The following PRKG1 variants were observed in gnomAD, a reference collection of about 807,000 sequenced individuals.
PRKG1 encodes the protein cGMP-dependent protein kinase 1.
Under a neutral mutation model 88.1 loss-of-function variants are expected in PRKG1, and 35 were observed. That is an observed-to-expected ratio of 0.40 (90% CI 0.30 to 0.53). The LOEUF is 0.53. Ranked by LOEUF, PRKG1 falls within the 20% of genes least tolerant of loss-of-function variation. The pLI is 0.59. For missense variants in PRKG1, 540 were observed against 839.8 expected, an observed-to-expected ratio of 0.64 and a Z score of 4.41; for synonymous variants, 303 against 292.5, an observed-to-expected ratio of 1.04 and a Z score of -0.37.
chr10:52,131,462 G>C (rs1325541920), intron 7 of PRKG1, among the ~76,000 whole-genome samples: 1 of 152,018 alleles, frequency 6.6e-6, no homozygotes, highest in East Asian at 1.9e-4. Flanking sequence ...AGATAAGAAG[G>C]GGTGAACTAA....
intron 3 of PRKG1, among the ~76,000 whole-genome samples, chr10:51,552,089 G>T (rs1837152111): frequency 6.6e-6 from 1 of 151,578 alleles, no homozygotes; most frequent in East Asian, 1.9e-4. Flanking sequence ...ATACCCTACA[G>T]ACTCAGTGAT....
intron 2 of PRKG1, among the ~76,000 whole-genome samples, chr10:51,447,500 A>G (rs1839308521): frequency 6.6e-6 from 1 of 152,038 alleles, no homozygotes; most frequent in African/African-American, 2.4e-5. Flanking sequence ...AATCAGAAAT[A>G]TTACACTAAA....
chr10:51,498,062 G>A (rs977528987), intron 3 of PRKG1, among the ~76,000 whole-genome samples: 3 of 152,148 alleles, frequency 2.0e-5, no homozygotes, highest in South Asian at 2.1e-4. Context: ...GCAGTGGGAC[G>A]CTAGGAGTTT....
At chr10:51,525,480 C>T (rs1048592662) in intron 3 of PRKG1, among the ~76,000 whole-genome samples, 3 of 152,112 alleles carry the variant, frequency 2.0e-5, no homozygotes, top group African/African-American at 7.2e-5. Context: ...AGGCAGATCA[C>T]GAGGTCAGGA....
intron 5 of PRKG1, among the ~76,000 whole-genome samples, chr10:52,026,186 C>T (rs1290181369): frequency 2.6e-5 from 4 of 151,642 alleles, no homozygotes; most frequent in African/African-American, 7.3e-5. Context: ...GAAAAAATAC[C>T]GTGGGGATTT....
At chr10:52,141,963 A>T (rs978369877) in intron 8 of PRKG1, among the ~76,000 whole-genome samples, 1 of 152,190 alleles carries the variant, frequency 6.6e-6, no homozygotes, top group Non-Finnish European at 1.5e-5. Flanking sequence ...CCTTTTATAA[A>T]TAAACTTATT....
intron 9 of PRKG1, among the ~76,000 whole-genome samples, chr10:52,226,026 ATTTT>A (rs71680568): frequency 6.6e-4 from 89 of 134,372 alleles, no homozygotes; most frequent in African/African-American, 2.2e-3. Context: ...ATGAGGGTTG[ATTTT>A]TTTTTTTTTT....
At chr10:52,166,800 T>TATATATATAC (rs1564498406) in intron 9 of PRKG1, among the ~76,000 whole-genome samples, 1 of 1,352 alleles carries the variant, frequency 7.4e-4, no homozygotes, top group African/African-American at 8.0e-4. Context: ...TATATATACA[T>TATATATATAC]ATATATATGT....
chr10:51,697,906 T>C (rs751080325), intron 3 of PRKG1: 1 of 1,602,572 alleles, frequency 6.2e-7, no homozygotes, highest in Non-Finnish European at 8.5e-7. Flanking sequence ...TTGCCCCCTG[T>C]ATACCTCCTC....
intron 5 of PRKG1, among the ~76,000 whole-genome samples, chr10:51,990,779 C>T (rs1333062581): frequency 6.6e-6 from 1 of 152,030 alleles, no homozygotes; most frequent in African/African-American, 2.4e-5. Context: ...TCCATGCGTT[C>T]TCATCATTCA....
intron 2 of PRKG1, among the ~76,000 whole-genome samples, chr10:51,350,390 G>C (rs1842213718): frequency 6.6e-6 from 1 of 152,162 alleles, no homozygotes; most frequent in African/African-American, 2.4e-5. Context: ...ACCTTGGATA[G>C]GATGCTAACT....
intron 3 of PRKG1, among the ~76,000 whole-genome samples, chr10:51,607,603 TACTC>T (rs1177849539): frequency 5.3e-5 from 8 of 152,186 alleles, no homozygotes; most frequent in Non-Finnish European, 1.2e-4. Context: ...TGGTAAATAA[TACTC>T]ACATTACAGT....
chr10:52,166,849 GTCTA>G (rs1564498620), intron 9 of PRKG1, among the ~76,000 whole-genome samples: 12 of 49,118 alleles, frequency 2.4e-4, no homozygotes, highest in Admixed American at 4.9e-4. Context: ...GTATATATAT[GTCTA>G]TATATATATC....
intron 5 of PRKG1, among the ~76,000 whole-genome samples, chr10:51,970,421 A>G (rs974460279): frequency 1.3e-5 from 2 of 151,404 alleles, no homozygotes; most frequent in African/African-American, 4.8e-5. Flanking sequence ...ACATTATATA[A>G]AGAATAGAGC....
chr10:51,166,079 C>T (rs971921577), intron 2 of PRKG1, among the ~76,000 whole-genome samples: 2 of 151,184 alleles, frequency 1.3e-5, no homozygotes, highest in African/African-American at 4.9e-5. Flanking sequence ...TATTATTTTA[C>T]ATTACTTTTC....
chr10:51,609,182 AT>A (rs896792192), intron 3 of PRKG1, among the ~76,000 whole-genome samples: 15 of 152,022 alleles, frequency 9.9e-5, no homozygotes, highest in African/African-American at 3.1e-4. Flanking sequence ...TTTAAGAAAT[AT>A]TTTTTAAAAA....
chr10:51,670,769 T>A (rs1226585442), intron 3 of PRKG1, among the ~76,000 whole-genome samples: 19 of 149,856 alleles, frequency 1.3e-4, no homozygotes, highest in Non-Finnish European at 2.2e-4. Context: ...AATAAATAAA[T>A]AAATAAATAA....
intron 1 of PRKG1, among the ~76,000 whole-genome samples, chr10:51,100,927 C>G (rs1248562556): frequency 6.6e-6 from 1 of 152,162 alleles, no homozygotes; most frequent in Non-Finnish European, 1.5e-5. Context: ...AGTCTATTTA[C>G]TCTTCTTTCT....
chr10:51,212,741 G>A (rs1177106531), intron 2 of PRKG1, among the ~76,000 whole-genome samples: 5 of 152,224 alleles, frequency 3.3e-5, no homozygotes, highest in Non-Finnish European at 7.3e-5. Flanking sequence ...GGCCATCAGA[G>A]AAGTGCAAAT....
Sources: gnomAD v4.1 joint callset for allele counts (sites outside exome capture counted in the v4.1 genomes callset) on GRCh38, gnomAD v4.1.1 for gene constraint, MANE v1.5 for transcripts, NCBI Gene and HGNC (gene_info 2026-07-23, HGNC 2026-07-21) for gene names.